The following IGF1R variants were observed in gnomAD, a reference collection of about 807,000 sequenced individuals.
IGF1R encodes the protein insulin-like growth factor 1 receptor.
Under a neutral mutation model 144.6 loss-of-function variants are expected in IGF1R, and 44 were observed. The observed-to-expected ratio is 0.30, with a 90% CI of 0.24 to 0.39. The LOEUF is 0.39. IGF1R is among the 10% of genes least tolerant of loss of function. IGF1R has a pLI of 1.00. For synonymous variants in IGF1R, 795 were observed against 722.8 expected, an observed-to-expected ratio of 1.10 and a Z score of -1.60; for missense variants, 1,355 against 1,833.7, an observed-to-expected ratio of 0.74 and a Z score of 4.77.
chr15:98,897,128 G>A (rs1001926423), intron 4 of IGF1R, among the ~76,000 whole-genome samples: 1 of 152,142 alleles, frequency 6.6e-6, no homozygotes, highest in African/African-American at 2.4e-5. Context: ...ATTTATTCCT[G>A]TAAAGAGGGT....
intron 2 of IGF1R, among the ~76,000 whole-genome samples, chr15:98,881,138 C>G (rs1172182483): frequency 1.3e-5 from 2 of 152,134 alleles, no homozygotes; most frequent in Non-Finnish European, 2.9e-5. Context: ...ACCTGGATGC[C>G]TGACCCTTTT....
intron 2 of IGF1R, among the ~76,000 whole-genome samples, chr15:98,769,944 G>A (rs749429388): frequency 6.6e-6 from 1 of 151,876 alleles, no homozygotes; most frequent in African/African-American, 2.4e-5. Context: ...GGATTATTCC[G>A]GTGAGTGTTA....
chr15:98,852,794 G>A (rs1245924440), intron 2 of IGF1R, among the ~76,000 whole-genome samples: 1 of 152,126 alleles, frequency 6.6e-6, no homozygotes, highest in East Asian at 1.9e-4. Context: ...TGGCCATTAC[G>A]GGCTGCTGTT....
chr15:98,745,794 T>C (rs2054850267), intron 2 of IGF1R, among the ~76,000 whole-genome samples: 1 of 152,246 alleles, frequency 6.6e-6, no homozygotes, highest in African/African-American at 2.4e-5. Flanking sequence ...ACAAGAACTC[T>C]TATACATTGC....
chr15:98,923,827 C>T, intron 11 of IGF1R, 49 bp from the exon 12 acceptor site: 12 of 1,561,738 alleles, frequency 7.7e-6, no homozygotes, highest in South Asian at 1.1e-5. Context: ...TGTTGGCCTC[C>T]CTCCCTGGGA....
Position 98,865,965 on chromosome 15 carries a change from C to T in IGF1R, c.641-25360C>T, listed in dbSNP as rs186530917. 1.7e-3 allele frequency among the ~76,000 whole-genome samples: 266 copies of T among 152,300 alleles called. 1 individual carries two copies. Among genetic ancestry groups the T allele is most frequent in the African/African-American group, 5.4e-3 (224 of 41,558 alleles). On this transcript the variant is annotated intron_variant, in intron 2 of 20. Transcript: ENST00000650285. ...CCCGCTCTGGGGTCGCCACTTGCCT[C>T]GCAGGCAGGAGGAGGCTCCCAGAGT...
At chr15:98,781,151 C>T (rs1354603889) in intron 2 of IGF1R, among the ~76,000 whole-genome samples, 2 of 152,088 alleles carry the variant, frequency 1.3e-5, no homozygotes, top group Non-Finnish European at 2.9e-5. Flanking sequence ...TTAAATGAAG[C>T]GAAATGCCAT....
intron 5 of IGF1R, among the ~76,000 whole-genome samples, chr15:98,902,140 T>G (rs992749207): frequency 6.6e-6 from 1 of 151,772 alleles, no homozygotes; most frequent in African/African-American, 2.4e-5. Flanking sequence ...AGGGGTGGAG[T>G]TGAGAAATCC....
At chr15:98,713,956 G>T (rs2054056257) in intron 2 of IGF1R, among the ~76,000 whole-genome samples, 1 of 152,206 alleles carries the variant, frequency 6.6e-6, no homozygotes, top group Non-Finnish European at 1.5e-5. Flanking sequence ...GGCTTAGCTG[G>T]TGGGGCAGCC....
At chr15:98,660,851 G>A (rs924073631) in intron 1 of IGF1R, among the ~76,000 whole-genome samples, 2 of 152,178 alleles carry the variant, frequency 1.3e-5, no homozygotes, top group African/African-American at 4.8e-5. Context: ...ATTTATGTCT[G>A]TAGTGTGCTT....
intron 1 of IGF1R, among the ~76,000 whole-genome samples, chr15:98,688,160 G>A (rs1042574219): frequency 4.6e-5 from 7 of 152,128 alleles, no homozygotes; most frequent in Non-Finnish European, 1.0e-4. Flanking sequence ...TCTGAACCTA[G>A]ATTCTTGTTT....
At position 98,649,519 on chromosome 15, in the gene IGF1R, TC is replaced by T. The variant is rs1181548916; in HGVS notation, c.-62del. The T allele has an allele frequency of 1.2e-5, 11 of 922,844 alleles. No individual in the cohort carries two copies. Among genetic ancestry groups the T allele is most frequent in the South Asian group, 1.8e-5 (1 of 56,954 alleles). The allele number at this position is 922,844 out of a possible 1,614,324, so 57.2% of individuals were successfully genotyped here. A position where few individuals can be genotyped will look rare whatever the true frequency, so the allele number is the denominator to read the frequency against. Reference sequence around the variant, plus strand: ...TTCCTTTCATTTCCTTTTTTTCTTTTCTTTTCTTTTTTTTTTTTTTTTTTTT... The same window carrying T: ...TTCCTTTCATTTCCTTTTTTTCTTTTTTTTCTTTTTTTTTTTTTTTTTTTT... On this transcript the variant is annotated 5_prime_UTR_variant, in exon 1 of 21. Transcript: ENST00000650285.
chr15:98,930,185 G>T, intron 14 of IGF1R, 50 bp from the exon 15 acceptor site: 1 of 1,214,226 alleles, frequency 8.2e-7, no homozygotes, highest in Non-Finnish European at 1.2e-6. Context: ...GTATATACAG[G>T]AATGTATGGA....
chr15:98,659,606 C>T (rs1467218482), intron 1 of IGF1R, among the ~76,000 whole-genome samples: 1 of 152,144 alleles, frequency 6.6e-6, no homozygotes, highest in Non-Finnish European at 1.5e-5. Context: ...GCGAGCTGTC[C>T]TGAGAGAATT....
rs75079375 is a variant in IGF1R, at chr15:98,739,728, A to G, written c.640+31621A>G. Among the ~76,000 whole-genome samples, 700 of 152,266 alleles carry G rather than the reference A, an allele frequency of 4.6e-3. 3 individuals are homozygous for G. Among genetic ancestry groups the G allele is most frequent in the African/African-American group, 0.016 (663 of 41,552 alleles). ...GGTTCAAGTCTCCCGAGTAGCTGGA[A>G]CTGCAGGTGCACGCCACCACATGTG... is the stretch of plus-strand genomic sequence containing the variant. On this transcript the variant is annotated intron_variant, in intron 2 of 20. Coordinates refer to ENST00000650285, the MANE Select transcript of IGF1R (RefSeq NM_000875.5).
chr15:98,839,380 C>T (rs1679403883), intron 2 of IGF1R, among the ~76,000 whole-genome samples: 1 of 152,132 alleles, frequency 6.6e-6, no homozygotes, highest in South Asian at 2.1e-4. Context: ...AAGTCTCCCC[C>T]ACCTCCCTAC....
chr15:98,765,876 G>A (rs1454718930), intron 2 of IGF1R, among the ~76,000 whole-genome samples: 1 of 152,158 alleles, frequency 6.6e-6, no homozygotes, highest in African/African-American at 2.4e-5. Flanking sequence ...GCAGGGAGAG[G>A]GCAGATGGGT....
chr15:98,707,170 G>A lies in IGF1R; in HGVS notation c.95-392G>A, dbSNP rs2053884944. ...ACTTGGCTGCTGAGCTGTCGTTCAG[G>A]CCTTGGCAACTGACGCTCTGCAGAA... On this transcript the variant is annotated intron_variant, in intron 1 of 20. Transcript: ENST00000650285. The surrounding 1 kb of genome is among the most constrained non-coding windows in gnomAD (Gnocchi z 6.7). Among the ~76,000 whole-genome samples, 1 of 152,208 alleles carries A rather than the reference G, an allele frequency of 6.6e-6. No individual in the cohort carries two copies. Among genetic ancestry groups the A allele is most frequent in the Non-Finnish European group, 1.5e-5 (1 of 68,042 alleles).
At position 98,806,252 on chromosome 15, in the gene IGF1R, G is replaced by A. The variant is rs1335478944; in HGVS notation, c.641-85073G>A. Among the ~76,000 whole-genome samples the A allele has an allele frequency of 2.0e-5, 3 of 152,088 alleles. No homozygotes were observed. In the East Asian group the frequency reaches 5.8e-4, roughly 30 times the overall value. Reference sequence around the variant, plus strand: ...GAAGAGTGGCACAGGGCGAGGTGTGGGGGGTGGCGTGGAGCTCCTTTTCAG... The same window carrying A: ...GAAGAGTGGCACAGGGCGAGGTGTGAGGGGTGGCGTGGAGCTCCTTTTCAG... On this transcript the variant is annotated intron_variant, in intron 2 of 20. Transcript: ENST00000650285.
Sources: allele counts gnomAD v4.1 joint callset (sites outside exome capture counted in the v4.1 genomes callset), GRCh38; gene constraint gnomAD v4.1.1; non-coding constraint Gnocchi (gnomAD v3.1); transcripts MANE v1.5; gene names NCBI Gene and HGNC (gene_info 2026-07-23, HGNC 2026-07-21).